POTEJ: variants seen among roughly 807,000 people sequenced by gnomAD.
POTEJ encodes POTE ankyrin domain family member J.
In POTEJ, 11 loss-of-function variants were observed where a neutral mutation model predicts 69.0. The ratio of observed to expected loss-of-function variants is 0.16; its 90% confidence interval spans 0.10 to 0.26. The LOEUF (loss-of-function observed/expected upper bound fraction) is 0.26. POTEJ is among the 10% of genes least tolerant of loss of function. The pLI is 1.00. For missense variants in POTEJ, 327 were observed against 1,045.5 expected (o/e 0.31, Z 9.48); for synonymous variants, 117 against 381.1 (o/e 0.31, Z 8.07).
At chr2:130,629,477 G>A (rs535945078) in intron 6 of POTEJ, among the ~76,000 whole-genome samples, 1 of 140,818 alleles carries the variant, frequency 7.1e-6, no homozygotes, top group Non-Finnish European at 1.5e-5. Context: ...TAACCTTGCT[G>A]TGGGATGTCT....
At chr2:130,634,137 C>G (rs1202140355) in intron 9 of POTEJ, among the ~76,000 whole-genome samples, 2 of 152,226 alleles carry the variant, frequency 1.3e-5, no homozygotes, top group Non-Finnish European at 2.9e-5. Context: ...ACTTGACTTA[C>G]AAAAACAGGC....
intron 5 of POTEJ, among the ~76,000 whole-genome samples, chr2:130,622,322 C>G (rs1243557222): frequency 7.8e-5 from 2 of 25,554 alleles, no homozygotes; most frequent in Non-Finnish European, 1.6e-4. Flanking sequence ...CACAAAGTGA[C>G]CAAATTGACC....
chr2:130,633,667 T>C (rs1339059676), intron 9 of POTEJ, among the ~76,000 whole-genome samples: 1 of 146,150 alleles, frequency 6.8e-6, no homozygotes, highest in Non-Finnish European at 1.5e-5. Flanking sequence ...TGTACCTTGT[T>C]AGCAACAAGA....
rs191272186 is a variant in POTEJ at position 130,613,331 on chromosome 2, T to C, written c.410+1389T>C. 8.5e-4 allele frequency among the ~76,000 whole-genome samples: 102 copies of C among 119,534 alleles called. 1 individual carries two copies. The highest frequency in any genetic ancestry group is 4.1e-3 in the African/African-American group (90 of 21,704). The allele number at this position is 119,534 out of a possible 152,430, so 78.4% of individuals were successfully genotyped here. A position where few individuals can be genotyped will look rare whatever the true frequency, so the allele number is the denominator to read the frequency against. On this transcript the variant is annotated intron_variant, in intron 1 of 14. Coordinates refer to ENST00000409602, the MANE Select transcript of POTEJ (RefSeq NM_001277083.2). ...ATATATACATATATATACATATGTA[T>C]ATATACATATATATGTGTGTGTATA...
chr2:130,612,556 C>T (rs1393495284), intron 1 of POTEJ, among the ~76,000 whole-genome samples: 18 of 152,270 alleles, frequency 1.2e-4, no homozygotes, highest in African/African-American at 2.7e-4. Flanking sequence ...GTCAGGAGAT[C>T]GAGACCATCC....
At chr2:130,612,073 C>T (rs1410541226) in intron 1 of POTEJ, 131 bp downstream of exon 1, 1 of 1,541,510 alleles carries the variant, frequency 6.5e-7, no homozygotes, top group East Asian at 2.3e-5. Flanking sequence ...GTGGAAACCT[C>T]AGAGAGGTCA....
intron 14 of POTEJ, among the ~76,000 whole-genome samples, chr2:130,656,277 T>C (rs1039182062): frequency 6.9e-6 from 1 of 145,576 alleles, no homozygotes; most frequent in African/African-American, 2.6e-5. Flanking sequence ...AGTGATTTAT[T>C]TTTCATCGTC....
Position 130,624,107 on chromosome 2 carries a change from A to G in POTEJ, c.988A>G (p.Lys330Glu). 4 of 1,432,864 alleles carry G rather than the reference A, an allele frequency of 2.8e-6. No individual in the cohort carries two copies. The highest frequency in any genetic ancestry group is 1.9e-5 in the African/African-American group (1 of 53,630). 88.8% of individuals were successfully genotyped at this position (1,432,864 alleles called of 1,614,324 possible). A position where few individuals can be genotyped will look rare whatever the true frequency, so the allele number is the denominator to read the frequency against. ...LSDYKEKQML[K>E]ISSENSNPEQ... is the part of the protein sequence containing the mutation. The stretch of plus-strand genomic sequence containing the variant: ...TGACTACAAAGAAAAACAGATGCTA[A>G]AAATCTCTTCTGAAAACAGCAATCC... Residue 330 changes from lysine to glutamate, a missense_variant, in exon 6 of 15, where the codon AAA becomes GAA. Physicochemically the swap from Lys to Glu is moderately conservative, Grantham distance 56. Coordinates refer to ENST00000409602, the MANE Select transcript of POTEJ (RefSeq NM_001277083.2).
chr2:130,625,755 T>C (rs1573975196), intron 6 of POTEJ, among the ~76,000 whole-genome samples: 1 of 140,962 alleles, frequency 7.1e-6, no homozygotes, highest in African/African-American at 2.9e-5. Flanking sequence ...AAGTGTGAGA[T>C]ACCAGAAGTT....
chr2:130,637,676 T>C (rs1686154500), intron 9 of POTEJ, among the ~76,000 whole-genome samples: 1 of 152,268 alleles, frequency 6.6e-6, no homozygotes, highest in Non-Finnish European at 1.5e-5. Context: ...ACAAAATATA[T>C]TGTTAGTATG....
chr2:130,638,251 A>G lies in POTEJ; in HGVS notation c.1299-368A>G, dbSNP rs373547496. Among the ~76,000 whole-genome samples the G allele has an allele frequency of 6.8e-4, 100 of 147,916 alleles. No individual in the cohort carries two copies. The East Asian group carries it at 8.4e-3, about 12-fold the overall frequency. ...TAACAACCTAGTAAAATAAGGCAGCATAGTCCTCACTTTGTAGAAGAAGAC... is the reference window on the plus strand; with the variant it reads ...TAACAACCTAGTAAAATAAGGCAGCGTAGTCCTCACTTTGTAGAAGAAGAC... On this transcript the variant is annotated intron_variant, in intron 9 of 14. Transcript: ENST00000409602.
intron 1 of POTEJ, among the ~76,000 whole-genome samples, chr2:130,614,184 G>T (rs1251873302): frequency 6.6e-6 from 1 of 150,932 alleles, no homozygotes; most frequent in Non-Finnish European, 1.5e-5. Context: ...AAAAAAAAAA[G>T]GAATGAAATA....
intron 13 of POTEJ, among the ~76,000 whole-genome samples, chr2:130,648,207 G>T (rs200611843): frequency 0.068 from 6,583 of 96,632 alleles, 71 homozygotes; most frequent in African/African-American, 0.19. Flanking sequence ...AATGTGCAAA[G>T]GGCCTTTAAA....
At chr2:130,613,349 T>A (rs1316059434) in intron 1 of POTEJ, among the ~76,000 whole-genome samples, 1 of 136,572 alleles carries the variant, frequency 7.3e-6, no homozygotes, top group Non-Finnish European at 1.5e-5. Flanking sequence ...TATATATGTG[T>A]GTGTATATAT....
Position 130,627,108 on chromosome 2 carries a change from A to G in POTEJ, c.1016-2841A>G, listed in dbSNP as rs1685739490. Among the ~76,000 whole-genome samples, 2 of 152,076 alleles carry G rather than the reference A, an allele frequency of 1.3e-5. 1 individual carries two copies. The highest frequency in any genetic ancestry group is 1.3e-4 in the Admixed American group (2 of 15,272). The stretch of plus-strand genomic sequence containing the variant: ...AGTATTTAACCTGGATGTGAGGAAG[A>G]AGGAGGAAATTTTCTGGTGAATACC... On this transcript the variant is annotated intron_variant, in intron 6 of 14. Coordinates refer to ENST00000409602, the MANE Select transcript of POTEJ (RefSeq NM_001277083.2).
At chr2:130,637,739 A>G (rs190408078) in intron 9 of POTEJ, among the ~76,000 whole-genome samples, 70 of 152,262 alleles carry the variant, frequency 4.6e-4, no homozygotes, top group Non-Finnish European at 8.5e-4. Flanking sequence ...GAACCTAAAA[A>G]AAAAAATAAA....
At chr2:130,630,874 A>G (rs1380721424) in intron 7 of POTEJ, among the ~76,000 whole-genome samples, 1 of 143,712 alleles carries the variant, frequency 7.0e-6, no homozygotes, top group East Asian at 1.9e-4. Context: ...TTAAAATTGG[A>G]GAATTTGCAT....
chr2:130,626,629 C>A (rs1355687054), intron 6 of POTEJ, among the ~76,000 whole-genome samples: 1 of 152,268 alleles, frequency 6.6e-6, no homozygotes, highest in East Asian at 1.9e-4. Flanking sequence ...GGCCTGTGGC[C>A]TATAGTTTGC....
chr2:130,645,280 C>T (rs1421660031), intron 11 of POTEJ, among the ~76,000 whole-genome samples: 2 of 25,548 alleles, frequency 7.8e-5, no homozygotes, highest in African/African-American at 2.6e-4. Flanking sequence ...AGTTAGGAAT[C>T]TTTTAAAAAA....
Sources: allele counts gnomAD v4.1 joint callset (sites outside exome capture counted in the v4.1 genomes callset), GRCh38; gene constraint gnomAD v4.1.1; transcripts MANE v1.5; gene names NCBI Gene and HGNC (gene_info 2026-07-23, HGNC 2026-07-21).